Variants in CACNA1A observed in about 807,000 individuals in gnomAD.
CACNA1A encodes the protein calcium voltage-gated channel subunit alpha1 A.
Under a neutral mutation model 262.4 loss-of-function variants are expected in CACNA1A, and 57 were observed. The ratio of observed to expected loss-of-function variants is 0.22; its 90% CI spans 0.18 to 0.27. The LOEUF (loss-of-function observed/expected upper bound fraction) is 0.27. Among genes scored for constraint, CACNA1A ranks in the 10% least tolerant of loss-of-function variants. The probability of loss-of-function intolerance (pLI) is 1.00; values close to 1 mark genes in which losing one functional copy is unlikely to be tolerated. For synonymous variants in CACNA1A, 1,431 were observed against 1,419.3 expected (o/e 1.01, Z -0.18); for missense variants, 2,526 against 3,562.8 (o/e 0.71, Z 7.41).
At chr19:13,282,959 T>C (rs1169233231) in intron 22 of CACNA1A, among the ~76,000 whole-genome samples, 1 of 152,126 alleles carries the variant, frequency 6.6e-6, no homozygotes, top group African/African-American at 2.4e-5. Flanking sequence ...CTATTCCATG[T>C]AGAGAATGTG....
In CACNA1A at chr19:13,286,754, G is replaced by A. The variant is rs768567834; in HGVS notation, c.3302C>T (p.Thr1101Ile). ...GATGGCCAGCATGGGGCCGGGGTCG[G>A]TGCTGTTTCCCATCTTGGCTGGGCT... Reference protein sequence around the residue: ...PQSPAKMGNSTDPGPMLAIPA... With the variant: ...PQSPAKMGNSIDPGPMLAIPA... The change falls in exon 20 of 47, where the codon ACC (threonine) becomes ATC (isoleucine). Residue 1101 changes from threonine (T) to isoleucine (I), a missense_variant. Coordinates refer to ENST00000360228, the MANE Select transcript of CACNA1A (RefSeq NM_001127222.2). 1.3e-5 allele frequency: 21 copies of A among 1,610,226 alleles called. No homozygotes were observed. Among genetic ancestry groups the A allele is most frequent in the Non-Finnish European group, 1.7e-5 (20 of 1,178,620 alleles).
intron 4 of CACNA1A, chr19:13,371,435 G>T (rs548563940): frequency 4.2e-6 from 2 of 479,700 alleles, no homozygotes; most frequent in East Asian, 3.4e-5. Flanking sequence ...GAGATCACAC[G>T]TGGTGCTTAG....
intron 3 of CACNA1A, among the ~76,000 whole-genome samples, chr19:13,426,362 T>C (rs2060402956): frequency 6.6e-6 from 1 of 152,138 alleles, no homozygotes; most frequent in Non-Finnish European, 1.5e-5. Flanking sequence ...CTACCCTCCA[T>C]GGGACATTTC....
At chr19:13,438,820 G>A (rs1291654936) in intron 3 of CACNA1A, among the ~76,000 whole-genome samples, 1 of 152,196 alleles carries the variant, frequency 6.6e-6, no homozygotes, top group Non-Finnish European at 1.5e-5. Context: ...AGGTAAATAT[G>A]AGTTACACTA....
At chr19:13,286,995 C>T (rs781132960) in intron 19 of CACNA1A, 29 bp from the exon 20 acceptor site, 3 of 1,499,948 alleles carry the variant, frequency 2.0e-6, no homozygotes, top group Non-Finnish European at 2.7e-6. Flanking sequence ...TGAAAAAGAA[C>T]CAACAACTGA....
intron 3 of CACNA1A, among the ~76,000 whole-genome samples, chr19:13,408,322 A>G (rs1306133660): frequency 1.3e-5 from 2 of 152,130 alleles, no homozygotes; most frequent in African/African-American, 2.4e-5. Context: ...GTGAGCCACG[A>G]TCTTGCCACT....
At chr19:13,261,677 C>T in intron 25 of CACNA1A, 67 bp from the exon 26 acceptor site, 1 of 1,465,722 alleles carries the variant, frequency 6.8e-7, no homozygotes, top group Non-Finnish European at 9.4e-7. Flanking sequence ...CCTCCAGTGG[C>T]CCATCATACC....
intron 19 of CACNA1A, among the ~76,000 whole-genome samples, chr19:13,294,486 G>GTTTTTTTTTTTTTTTTTT (rs1568503058): frequency 1.1e-5 from 1 of 87,248 alleles, no homozygotes; most frequent in Non-Finnish European, 2.1e-5. Flanking sequence ...ACTGTACCTG[G>GTTTTTTTTTTTTTTTTTT]CTTTTTTTTT....
intron 10 of CACNA1A, among the ~76,000 whole-genome samples, chr19:13,327,169 C>T (rs558973120): frequency 1.3e-5 from 2 of 152,256 alleles, no homozygotes; most frequent in East Asian, 3.9e-4. Context: ...GCGTGAGCCA[C>T]CACACCCAGC....
intron 11 of CACNA1A, among the ~76,000 whole-genome samples, chr19:13,314,810 A>C (rs2058093741): frequency 6.6e-6 from 1 of 152,132 alleles, no homozygotes; most frequent in Admixed American, 6.5e-5. Flanking sequence ...TTATCACCAA[A>C]ATTTCTCCTT....
intron 3 of CACNA1A, among the ~76,000 whole-genome samples, chr19:13,411,777 C>CTGT (rs997569236): frequency 1.3e-5 from 2 of 151,998 alleles, no homozygotes; most frequent in African/African-American, 4.8e-5. Flanking sequence ...AATGGTGCAA[C>CTGT]TACAGCTCAC....
chr19:13,306,059 C>CAA (rs34439709), intron 15 of CACNA1A, among the ~76,000 whole-genome samples: 12,646 of 139,676 alleles, frequency 0.091, 788 homozygotes, highest in African/African-American at 0.18. Context: ...GACTCCATCT[C>CAA]AAAAAAAAAA....
At chr19:13,317,007 A>G in intron 11 of CACNA1A, 105 bp downstream of exon 11, 6 of 712,266 alleles carry the variant, frequency 8.4e-6, no homozygotes. Flanking sequence ...GGCAGATTCA[A>G]TGAGGACCAA....
Position 13,211,904 on chromosome 19 carries a change from G to T in CACNA1A, c.6303+199C>A, listed in dbSNP as rs758071747. 103 of 566,674 alleles carry T rather than the reference G, an allele frequency of 1.8e-4. 1 individual carries two copies. Among genetic ancestry groups the T allele is most frequent in the Non-Finnish European group, 3.0e-4 (96 of 316,474 alleles). 35.1% of individuals were successfully genotyped at this position (566,674 alleles called of 1,614,324 possible). A position where few individuals can be genotyped will look rare whatever the true frequency, so the allele number is the denominator to read the frequency against. On this transcript the variant is annotated intron_variant, in intron 43 of 46. Transcript: ENST00000360228. Reference sequence around the variant, plus strand: ...GAGCACTTTCCTCTCTGTCCTCTGTGAGGGAGGAGGGTCTGCAGGTGCTCC... The same window carrying T: ...GAGCACTTTCCTCTCTGTCCTCTGTTAGGGAGGAGGGTCTGCAGGTGCTCC...
At chr19:13,459,238 C>T (rs1460469930) in intron 1 of CACNA1A, among the ~76,000 whole-genome samples, 1 of 152,156 alleles carries the variant, frequency 6.6e-6, no homozygotes, top group Non-Finnish European at 1.5e-5. Context: ...TCCTCTTCTG[C>T]CCTGGAGTTA....
At chr19:13,379,034 GC>G (rs1434056919) in intron 3 of CACNA1A, among the ~76,000 whole-genome samples, 1 of 149,362 alleles carries the variant, frequency 6.7e-6, no homozygotes, top group African/African-American at 2.5e-5. Flanking sequence ...AGGCTAGAGT[GC>G]AGTGGTGTGA....
chr19:13,376,853 CAT>C (rs1283661510), intron 3 of CACNA1A, among the ~76,000 whole-genome samples: 101 of 142,868 alleles, frequency 7.1e-4, no homozygotes, highest in South Asian at 2.2e-3. Flanking sequence ...ATATATAACA[CAT>C]ATGTTATATG....
intron 1 of CACNA1A, among the ~76,000 whole-genome samples, chr19:13,492,037 T>G (rs768031636): frequency 6.6e-6 from 1 of 152,116 alleles, no homozygotes; most frequent in Non-Finnish European, 1.5e-5. Context: ...TTATACCACT[T>G]TTACTGATGA....
intron 6 of CACNA1A, among the ~76,000 whole-genome samples, chr19:13,336,602 A>G (rs868681238): frequency 8.6e-6 from 1 of 116,060 alleles, no homozygotes; most frequent in South Asian, 3.6e-4. Flanking sequence ...AGGGAGAGAG[A>G]GAGAGAGAGA....
Sources: gnomAD v4.1 joint callset for allele counts (sites outside exome capture counted in the v4.1 genomes callset) on GRCh38, gnomAD v4.1.1 for gene constraint, MANE v1.5 for transcripts, NCBI Gene and HGNC (gene_info 2026-07-23, HGNC 2026-07-21) for gene names.